UBXN1: variants seen among roughly 807,000 people sequenced by gnomAD.
UBXN1 encodes the protein UBX domain protein 1, also known as UBX domain-containing protein 1.
Under a neutral mutation model 42.0 loss-of-function variants are expected in UBXN1, and 21 were observed. The ratio of observed to expected loss-of-function variants is 0.50; its 90% CI spans 0.35 to 0.72. The LOEUF (loss-of-function observed/expected upper bound fraction) is 0.72, where lower values mean the gene tolerates loss of function less well. UBXN1 is among the 30% of genes least tolerant of loss of function. The probability of loss-of-function intolerance (pLI) is 0.00; values close to 1 mark genes in which losing one functional copy is unlikely to be tolerated. For missense variants in UBXN1, 374 were observed against 382.2 expected (o/e 0.98, Z 0.18); for synonymous variants, 172 against 142.6 (o/e 1.21, Z -1.47).
chr11:62,678,661 AT>A, intron 2 of UBXN1, 28 bp downstream of exon 2: 1 of 1,493,148 alleles, frequency 6.7e-7, no homozygotes, highest in Admixed American at 1.7e-5. Context: ...CCAGCCCCCA[AT>A]TCTCCGCCAC....
chr11:62,678,021 CTT>C lies in UBXN1; in HGVS notation c.386_387del (p.Gln129ArgfsTer13). 6.2e-7 allele frequency: 1 copy of C among 1,614,164 alleles called. No individual in the cohort carries two copies. The highest frequency in any genetic ancestry group is 8.5e-7 in the Non-Finnish European group (1 of 1,180,034). On this transcript the variant is annotated frameshift_variant, in exon 5 of 9. Transcript: ENST00000301935. LOFTEE classifies it high-confidence loss of function. ...ERERQRRRQG[Q>X]ELSAARQRLQ... ...AGCCGCTGTCGTGCTGCTGACAACT[CTT>C]GCCCTTGTCTCCTGCGCTGCCGTTC...
chr11:62,677,314 G>C, intron 7 of UBXN1: 1 of 644,302 alleles, frequency 1.6e-6, no homozygotes. Context: ...TAACTGCTGA[G>C]TAAGAGAGAG....
At chr11:62,677,203 A>T in intron 7 of UBXN1, 198 bp from the exon 8 acceptor site, 1 of 638,810 alleles carries the variant, frequency 1.6e-6, no homozygotes, top group South Asian at 2.0e-5. Context: ...CTCACAACCT[A>T]AGAAAGACAA....
Position 62,679,050 on chromosome 11 carries a change from G to A in UBXN1, c.-127C>T. On this transcript the variant is annotated 5_prime_UTR_variant, in exon 1 of 9. Coordinates refer to ENST00000301935, the MANE Select transcript of UBXN1 (RefSeq NM_001286077.2). ...GCTCGCTCTCTCACCCGGCTCTATA[G>A]CAGCCGGGAACACCGACGAGAAGAA... 3 of 1,037,692 alleles carry A rather than the reference G, an allele frequency of 2.9e-6. No individual in the cohort carries two copies. The highest frequency in any genetic ancestry group is 3.1e-5 in the South Asian group (2 of 63,514). The allele number at this position is 1,037,692 out of a possible 1,614,324, so 64.3% of individuals were successfully genotyped here. A position where few individuals can be genotyped will look rare whatever the true frequency, so the allele number is the denominator to read the frequency against.
Position 62,679,037 on chromosome 11 carries a change from A to G in UBXN1, c.-114T>C. The stretch of plus-strand genomic sequence containing the variant: ...CCCGCCGACGGGCGCTCGCTCTCTC[A>G]CCCGGCTCTATAGCAGCCGGGAACA... On this transcript the variant is annotated 5_prime_UTR_variant, in exon 1 of 9. Coordinates refer to ENST00000301935, the MANE Select transcript of UBXN1 (RefSeq NM_001286077.2). The G allele has an allele frequency of 8.4e-7, 1 of 1,193,100 alleles. No homozygotes were observed. 73.9% of individuals were successfully genotyped at this position (1,193,100 alleles called of 1,614,324 possible).
chr11:62,676,635 G>A lies in UBXN1; in HGVS notation c.849C>T (p.Leu283=), dbSNP rs776737618. ...CCACAATGAGAACAGCAGAAGGCAC[G>A]AGTCCTGAAGATGGAAGAAAACAGG... ...DMERPLQELG[L]VPSAVLIVAK... is the part of the protein sequence containing the mutation. The change falls in exon 9 of 9, where the codon CTC becomes CTT. Residue 283 remains leucine, a synonymous_variant. Coordinates refer to ENST00000301935, the MANE Select transcript of UBXN1 (RefSeq NM_001286077.2). The A allele has an allele frequency of 9.9e-6, 16 of 1,613,822 alleles. 1 individual carries two copies. Among genetic ancestry groups the A allele is most frequent in the African/African-American group, 4.0e-5 (3 of 74,924 alleles).
At chr11:62,677,681 G>A (rs770432254) in intron 6 of UBXN1, 47 bp from the exon 7 acceptor site, 1 of 1,612,600 alleles carries the variant, frequency 6.2e-7, no homozygotes, top group Non-Finnish European at 8.5e-7. Flanking sequence ...CCCATCCTCA[G>A]GTGAAACAGA....
rs1420164627 is a variant in UBXN1 at position 62,677,946 on chromosome 11, C to T, written c.463G>A (p.Ala155Thr). 5.0e-6 allele frequency: 8 copies of T among 1,613,902 alleles called. No individual in the cohort carries two copies. The highest frequency in any genetic ancestry group is 6.8e-6 in the Non-Finnish European group (8 of 1,179,902). The change falls in exon 5 of 9, where the codon GCC becomes ACC. Residue 155 changes from alanine to threonine, a missense_variant. Coordinates refer to ENST00000301935, the MANE Select transcript of UBXN1 (RefSeq NM_001286077.2). Reference protein sequence around the residue: ...RAAEERRREKAEELAARQRVR... With the variant: ...RAAEERRREKTEELAARQRVR... ...CCAGACCTGGCTGCTAACTCCTCGG[C>T]CTTTTCCCTCCGCCTCTCCTCAGCA...
chr11:62,676,631 G>T lies in UBXN1; in HGVS notation c.853C>A (p.Pro285Thr). 6.2e-7 allele frequency: 1 copy of T among 1,613,742 alleles called. No homozygotes were observed. The highest frequency in any genetic ancestry group is 8.5e-7 in the Non-Finnish European group (1 of 1,179,944). Residue 285 changes from proline to threonine, a missense_variant, in exon 9 of 9, where the codon CCT (proline) becomes ACT (threonine). Transcript: ENST00000301935. The stretch of plus-strand genomic sequence containing the variant: ...TTGGCCACAATGAGAACAGCAGAAG[G>T]CACGAGTCCTGAAGATGGAAGAAAA... ...ERPLQELGLV[P>T]SAVLIVAKKC...
rs374627108 is a variant in UBXN1 at position 62,676,932 on chromosome 11, T to C, written c.725A>G (p.Tyr242Cys). ...AREQLAAVRLYVELHRGEELG... is the reference protein window; with the variant it reads ...AREQLAAVRLCVELHRGEELG... The stretch of plus-strand genomic sequence containing the variant: ...TTCCTCCCCACGGTGGAGCTCCACA[T>C]AGAGCCTCACAGCTGCCAGCTGTTC... Residue 242 changes from tyrosine to cysteine, a missense_variant, in exon 8 of 9, where the codon TAT (tyrosine) becomes TGT (cysteine). Transcript: ENST00000301935. 11 of 1,613,286 alleles carry C rather than the reference T, an allele frequency of 6.8e-6. No individual in the cohort carries two copies. The highest frequency in any genetic ancestry group is 4.5e-5 in the East Asian group (2 of 44,892).
Position 62,677,085 on chromosome 11 carries a change from G to T in UBXN1, c.652-80C>A, listed in dbSNP as rs1366246690. The T allele has an allele frequency of 4.1e-6, 6 of 1,478,642 alleles. No individual in the cohort carries two copies. In the African/African-American group the frequency reaches 5.6e-5, roughly 14 times the overall value. The allele number at this position is 1,478,642 out of a possible 1,614,324, so 91.6% of individuals were successfully genotyped here. A position where few individuals can be genotyped will look rare whatever the true frequency, so the allele number is the denominator to read the frequency against. On this transcript the variant is annotated intron_variant, in intron 7 of 8. Coordinates refer to ENST00000301935, the MANE Select transcript of UBXN1 (RefSeq NM_001286077.2). The stretch of plus-strand genomic sequence containing the variant: ...CCAAGTAAGGAAAAGAGCTAAAGCT[G>T]GGCCCCCTTCTTCTTAGATTGAACC...
Position 62,678,015 on chromosome 11 carries a change from A to G in UBXN1, c.394T>C (p.Ser132Pro). The change falls in exon 5 of 9, where the codon TCA becomes CCA. Residue 132 changes from serine (S) to proline (P), a missense_variant. Coordinates refer to ENST00000301935, the MANE Select transcript of UBXN1 (RefSeq NM_001286077.2). ...RQRRRQGQEL[S>P]AARQRLQEDE... is the part of the protein sequence containing the mutation. ...TCCTGTAGCCGCTGTCGTGCTGCTG[A>G]CAACTCTTGCCCTTGTCTCCTGCGC... 2 of 1,614,068 alleles carry G rather than the reference A, an allele frequency of 1.2e-6. No homozygotes were observed. The highest frequency in any genetic ancestry group is 1.7e-6 in the Non-Finnish European group (2 of 1,180,026).
chr11:62,677,239 G>C, intron 7 of UBXN1: 2 of 618,828 alleles, frequency 3.2e-6, no homozygotes, highest in Non-Finnish European at 5.6e-6. Flanking sequence ...AAAGAATCTG[G>C]ATAAATACCA....
chr11:62,677,137 A>C, intron 7 of UBXN1, 132 bp from the exon 8 acceptor site: 7 of 1,025,762 alleles, frequency 6.8e-6, no homozygotes, highest in Non-Finnish European at 9.7e-6. Context: ...AAAGCACCAA[A>C]TGAACAGCCA....
At position 62,678,570 on chromosome 11, in the gene UBXN1, C is replaced by T; in HGVS notation, c.145G>A (p.Asp49Asn). The T allele has an allele frequency of 6.2e-7, 1 of 1,611,608 alleles. No homozygotes were observed. Among genetic ancestry groups the T allele is most frequent in the Non-Finnish European group, 8.5e-7 (1 of 1,178,238 alleles). The stretch of plus-strand genomic sequence containing the variant: ...CCAAGGGGAGTCTCTAAAGGCTCGT[C>T]CACATCGGGGTCGTCTTCGTGCTCC... ...LMEHEDDPDVDEPLETPLGHI... is the reference protein window; with the variant it reads ...LMEHEDDPDVNEPLETPLGHI... The change falls in exon 3 of 9, where the codon GAC becomes AAC. Residue 49 changes from aspartate (D) to asparagine (N), a missense_variant. Transcript: ENST00000301935.
At position 62,677,617 on chromosome 11, in the gene UBXN1, G is replaced by A; in HGVS notation, c.552C>T (p.Gly184=). The A allele has an allele frequency of 6.2e-7, 1 of 1,612,576 alleles. No individual in the cohort carries two copies. The highest frequency in any genetic ancestry group is 1.1e-5 in the South Asian group (1 of 90,944). The change falls in exon 7 of 9, where the codon GGC becomes GGT. Residue 184 remains glycine, a synonymous_variant. Coordinates refer to ENST00000301935, the MANE Select transcript of UBXN1 (RefSeq NM_001286077.2). The part of the protein sequence containing the change: ...ERAKKYGGSV[G]SQPPPVAPEP... ...CTGGTGCCACTGGGGGTGGCTGAGA[G>A]CCCACACTGCCACCATACTAAAGGG...
chr11:62,677,325 GT>G lies in UBXN1; in HGVS notation c.651+192del, dbSNP rs552964748. ...AGGGTAACTGCTGAGTAAGAGAGAGGTATGGGTTTAAATACAACTGGGGCAG... is the reference window on the plus strand; with the variant it reads ...AGGGTAACTGCTGAGTAAGAGAGAGGATGGGTTTAAATACAACTGGGGCAG... On this transcript the variant is annotated intron_variant, in intron 7 of 8. Transcript: ENST00000301935. 1,738 of 661,956 alleles carry G rather than the reference GT, an allele frequency of 2.6e-3. 33 individuals are homozygous for G. The highest frequency in any genetic ancestry group is 0.023 in the Admixed American group (801 of 35,512). 41.0% of individuals were successfully genotyped at this position (661,956 alleles called of 1,614,324 possible).
At position 62,678,874 on chromosome 11, in the gene UBXN1, C is replaced by G. The variant is rs752022643; in HGVS notation, c.50G>C (p.Arg17Thr). 8.7e-6 allele frequency: 14 copies of G among 1,604,294 alleles called. No homozygotes were observed. Among genetic ancestry groups the G allele is most frequent in the African/African-American group, 1.3e-5 (1 of 74,754 alleles). The change falls in exon 1 of 9, where the codon AGG becomes ACG. Residue 17 changes from arginine (R) to threonine (T), a missense_variant. Physicochemically the swap from Arg to Thr is moderately conservative, Grantham distance 71. Transcript: ENST00000301935. ...LESLIEMGFP[R>T]GRAEKALALT... ...TGGGGAACTCCCTTACGCGCGTCCCCTGGGGAAGCCCATCTCGATGAGACT... is the reference window on the plus strand; with the variant it reads ...TGGGGAACTCCCTTACGCGCGTCCCGTGGGGAAGCCCATCTCGATGAGACT...
chr11:62,678,953 C>G lies in UBXN1; in HGVS notation c.-30G>C. 4 of 1,559,172 alleles carry G rather than the reference C, an allele frequency of 2.6e-6. No homozygotes were observed. The highest frequency in any genetic ancestry group is 2.3e-4 in the Middle Eastern group (1 of 4,396). ...CCGACACCGCGGCTTCCGCGGGGAC[C>G]TGGTGTGTGACGAGAAGGAGGGCGG... On this transcript the variant is annotated 5_prime_UTR_variant, in exon 1 of 9. Coordinates refer to ENST00000301935, the MANE Select transcript of UBXN1 (RefSeq NM_001286077.2).
Sources: allele counts gnomAD v4.1 joint callset, GRCh38; gene constraint gnomAD v4.1.1; transcripts MANE v1.5; gene names NCBI Gene and HGNC (gene_info 2026-07-23, HGNC 2026-07-21).